The following STAB1 variants were observed in gnomAD, a reference collection of about 807,000 sequenced individuals.
The protein encoded by STAB1 is stabilin 1.
In STAB1, 250 loss-of-function variants were observed where a neutral mutation model predicts 332.4. The observed-to-expected ratio is 0.75, with a 90% confidence interval of 0.68 to 0.84. The LOEUF (loss-of-function observed/expected upper bound fraction) is 0.84, where lower values mean the gene tolerates loss of function less well. STAB1 is among the 40% of genes least tolerant of loss of function. STAB1 has a pLI of 0.00. For synonymous variants in STAB1, 1,475 were observed against 1,390.4 expected, an observed-to-expected ratio of 1.06 and a Z score of -1.35; for missense variants, 3,249 against 3,489.7, an observed-to-expected ratio of 0.93 and a Z score of 1.74.
At chr3:52,504,197 C>A (rs1329166808) in intron 10 of STAB1, 42 bp downstream of exon 10, 2 of 1,557,612 alleles carry the variant, frequency 1.3e-6, no homozygotes, top group African/African-American at 2.7e-5. Context: ...ACCCCTCACC[C>A]CCAGCACAGT....
chr3:52,500,618 G>C (rs1056839437), intron 1 of STAB1, among the ~76,000 whole-genome samples: 1 of 152,376 alleles, frequency 6.6e-6, no homozygotes, highest in South Asian at 2.1e-4. Context: ...AGCCGGCATC[G>C]TGCCTGTGCC....
At position 52,516,718 on chromosome 3, in the gene STAB1, C is replaced by A. The variant is rs778304310; in HGVS notation, c.4313C>A (p.Ser1438Tyr). Residue 1438 changes from serine to tyrosine, a missense_variant, in exon 41 of 69, where the codon TCC becomes TAC. Physicochemically the swap from Ser to Tyr is moderately radical, Grantham distance 144. Coordinates refer to ENST00000321725, the MANE Select transcript of STAB1 (RefSeq NM_015136.3). The stretch of plus-strand genomic sequence containing the variant: ...TGCGTGCAGGACTCGGCCGGAGCCT[C>A]CACCTGCGCCTGTGCTGCGGGATAC... ...ANCVQDSAGA[S>Y]TCACAAGYSG... 1.9e-6 allele frequency: 3 copies of A among 1,612,008 alleles called. No homozygotes were observed. In the Admixed American group the frequency reaches 5.0e-5, roughly 27 times the overall value.
rs574986003 is a variant in STAB1, at chr3:52,510,785, G to A, written c.2787+278G>A. On this transcript the variant is annotated intron_variant, in intron 25 of 68. Transcript: ENST00000321725. ...AGCAAAGCAGGAAAAGCCCCTGCCCGTGGGAGTGACCTCCCCAAAACTTTA... is the reference window on the plus strand; with the variant it reads ...AGCAAAGCAGGAAAAGCCCCTGCCCATGGGAGTGACCTCCCCAAAACTTTA... Among the ~76,000 whole-genome samples, 503 of 152,344 alleles carry A rather than the reference G, an allele frequency of 3.3e-3. 3 individuals carry two copies. Among genetic ancestry groups the A allele is most frequent in the Non-Finnish European group, 3.3e-3 (225 of 68,040 alleles).
At chr3:52,519,453 T>G in intron 49 of STAB1, 49 bp downstream of exon 49, 1 of 1,612,058 alleles carries the variant, frequency 6.2e-7, no homozygotes, top group Admixed American at 1.7e-5. Context: ...GGTGGGGGCC[T>G]GGGATCCTCC....
intron 29 of STAB1, 70 bp downstream of exon 29, chr3:52,513,028 C>G: frequency 1.3e-6 from 2 of 1,567,690 alleles, no homozygotes; most frequent in Non-Finnish European, 1.7e-6. Flanking sequence ...AGCGAGTCCT[C>G]AGCCTGGCAG....
intron 51 of STAB1, 31 bp downstream of exon 51, chr3:52,520,151 T>A (rs2079024652): frequency 1.9e-6 from 3 of 1,612,700 alleles, no homozygotes; most frequent in Non-Finnish European, 2.5e-6. Flanking sequence ...TGGTCTTCAC[T>A]GCCTGCAGCT....
rs549309835 is a variant in STAB1 at position 52,515,472 on chromosome 3, G to C, written c.3914G>C (p.Arg1305Pro). 6.2e-7 allele frequency: 1 copy of C among 1,613,290 alleles called. No individual in the cohort carries two copies. Among genetic ancestry groups the C allele is most frequent in the African/African-American group, 1.3e-5 (1 of 74,900 alleles). ...TACCGATCTGGCTTCTCCTTCTCCC[G>C]GGGCTGCTCTTACACATGTGCCAAG... ...CVYRSGFSFSRGCSYTCAKKI... is the reference protein window; with the variant it reads ...CVYRSGFSFSPGCSYTCAKKI... The change falls in exon 37 of 69, where the codon CGG becomes CCG. Residue 1305 changes from arginine to proline, a missense_variant. Arg to Pro is a moderately radical substitution (Grantham distance 103). Transcript: ENST00000321725.
In STAB1 at chr3:52,522,622, T is replaced by C; in HGVS notation, c.6678T>C (p.Ala2226=). ...SGPYGLNFSE[A]EAACEAQGAV... is the part of the protein sequence containing the mutation. The stretch of plus-strand genomic sequence containing the variant: ...CTTATGGTCTGAACTTTTCGGAGGC[T>C]GAGGCGGCATGCGAAGCACAGGGAG... Residue 2226 remains alanine, a synonymous_variant, in exon 61 of 69, where the codon GCT becomes GCC. Transcript: ENST00000321725. 1 of 1,612,986 alleles carries C rather than the reference T, an allele frequency of 6.2e-7. No individual in the cohort carries two copies. The highest frequency in any genetic ancestry group is 8.5e-7 in the Non-Finnish European group (1 of 1,180,038).
At chr3:52,507,252 C>T (rs751739219) in intron 18 of STAB1, among the ~76,000 whole-genome samples, 1 of 152,202 alleles carries the variant, frequency 6.6e-6, no homozygotes, top group Non-Finnish European at 1.5e-5. Context: ...ACCATGTTGG[C>T]CAGGCTGGTT....
Position 52,518,334 on chromosome 3 carries a change from C to A in STAB1, c.4784C>A (p.Ala1595Asp), listed in dbSNP as rs2078946755. The part of the protein sequence containing the change: ...VGLELLRDKH[A>D]SFFSLRLLEY... ...CAGGAGCTCCTGAGGGATAAGCATGCCTCATTCTTCAGCCTCCGCCTCCTG... is the reference window on the plus strand; with the variant it reads ...CAGGAGCTCCTGAGGGATAAGCATGACTCATTCTTCAGCCTCCGCCTCCTG... The change falls in exon 46 of 69, where the codon GCC becomes GAC. Residue 1595 changes from alanine (A) to aspartate (D), a missense_variant. Physicochemically the swap from Ala to Asp is moderately radical, Grantham distance 126. Coordinates refer to ENST00000321725, the MANE Select transcript of STAB1 (RefSeq NM_015136.3). The A allele has an allele frequency of 2.5e-6, 4 of 1,612,830 alleles. No homozygotes were observed. Among genetic ancestry groups the A allele is most frequent in the Non-Finnish European group, 3.4e-6 (4 of 1,179,940 alleles).
chr3:52,517,032 A>G lies in STAB1; in HGVS notation c.4412A>G (p.Asn1471Ser), dbSNP rs1168865129. ...CATGGGGGCTGCTCCCCTCATGCCA[A>G]CTGTACCAAGGTGGCACCTGGGCAG... is the stretch of plus-strand genomic sequence containing the variant. ...HGHGGCSPHA[N>S]CTKVAPGQRT... The change falls in exon 42 of 69, where the codon AAC becomes AGC. Residue 1471 changes from asparagine (N) to serine (S), a missense_variant. Transcript: ENST00000321725. 3 of 1,607,670 alleles carry G rather than the reference A, an allele frequency of 1.9e-6. No individual in the cohort carries two copies. The highest frequency in any genetic ancestry group is 1.1e-5 in the South Asian group (1 of 90,290).
Position 52,524,293 on chromosome 3 carries a change from C to G in STAB1, c.7657-7C>G, listed in dbSNP as rs376805702. On this transcript the variant is annotated splice_region_variant and splice_polypyrimidine_tract_variant and intron_variant, in intron 68 of 68. Coordinates refer to ENST00000321725, the MANE Select transcript of STAB1 (RefSeq NM_015136.3). ...CACACCCTCCACCACCAACCCTGCTCTTCTAGGACTCACTGCTGGAGGAGG... is the reference window on the plus strand; with the variant it reads ...CACACCCTCCACCACCAACCCTGCTGTTCTAGGACTCACTGCTGGAGGAGG... 9.3e-6 allele frequency: 15 copies of G among 1,613,948 alleles called. No individual in the cohort carries two copies. The African/African-American group carries it at 1.5e-4, about 16-fold the overall frequency.
chr3:52,519,634 G>A (rs1047812789), intron 50 of STAB1, 70 bp downstream of exon 50: 63 of 1,578,138 alleles, frequency 4.0e-5, no homozygotes, highest in Middle Eastern at 1.7e-4. Flanking sequence ...GTGTGTATGC[G>A]TACCTGTGTG....
At chr3:52,512,129 C>T (rs930818133) in intron 26 of STAB1, among the ~76,000 whole-genome samples, 3 of 152,264 alleles carry the variant, frequency 2.0e-5, no homozygotes, top group African/African-American at 7.2e-5. Flanking sequence ...CCCTCGCATC[C>T]ACCTGGCATG....
chr3:52,519,210 T>C, intron 48 of STAB1, 54 bp from the exon 49 acceptor site: 2 of 1,576,770 alleles, frequency 1.3e-6, no homozygotes, highest in Non-Finnish European at 8.6e-7. Context: ...CAGGCCCCGA[T>C]AGCTTCCGAG....
At chr3:52,520,157 C>T (rs979830922) in intron 51 of STAB1, 37 bp downstream of exon 51, 6 of 1,612,888 alleles carry the variant, frequency 3.7e-6, no homozygotes, top group Non-Finnish European at 4.2e-6. Flanking sequence ...TCACTGCCTG[C>T]AGCTCAGCCT....
intron 41 of STAB1, 46 bp from the exon 42 acceptor site, chr3:52,516,938 C>A (rs111375909): frequency 1.9e-6 from 3 of 1,607,812 alleles, no homozygotes; most frequent in African/African-American, 1.3e-5. Flanking sequence ...GTCCTGCCTC[C>A]GGCCCCGTGC....
At chr3:52,502,273 G>C in intron 5 of STAB1, 45 bp downstream of exon 5, 1 of 1,593,542 alleles carries the variant, frequency 6.3e-7, no homozygotes, top group East Asian at 2.3e-5. Flanking sequence ...GTCCACCTGG[G>C]GGCCCACGCA....
In STAB1 at chr3:52,506,774, A is replaced by G; in HGVS notation, c.1913A>G (p.Asp638Gly). The G allele has an allele frequency of 2.5e-6, 4 of 1,612,804 alleles. No individual in the cohort carries two copies. The highest frequency in any genetic ancestry group is 1.1e-5 in the South Asian group (1 of 91,082). Residue 638 changes from aspartate (D) to glycine (G), a missense_variant, in exon 18 of 69, where the codon GAC becomes GGC. Physicochemically the swap from Asp to Gly is moderately conservative, Grantham distance 94. Transcript: ENST00000321725. Reference sequence around the variant, plus strand: ...GCCAATGGTGTGATCCACATGCTGGACGGCATCCTGCTGCCCCCGACCATC... The same window carrying G: ...GCCAATGGTGTGATCCACATGCTGGGCGGCATCCTGCTGCCCCCGACCATC... ...MAANGVIHML[D>G]GILLPPTILP...
Sources: gnomAD v4.1 joint callset for allele counts (sites outside exome capture counted in the v4.1 genomes callset) on GRCh38, gnomAD v4.1.1 for gene constraint, MANE v1.5 for transcripts, NCBI Gene and HGNC (gene_info 2026-07-23, HGNC 2026-07-21) for gene names.